Variants in STAT3 observed in about 807,000 individuals in gnomAD.
The protein encoded by STAT3 is signal transducer and activator of transcription 3, also known as DNA-binding protein APRF.
STAT3 carries 7 observed loss-of-function variants against 114.3 expected under a neutral mutation model. That is an observed-to-expected ratio of 0.06 (90% CI 0.03 to 0.11). The LOEUF is 0.11. Ranked by LOEUF, STAT3 falls within the 10% of genes least tolerant of loss-of-function variation. The pLI, the probability that STAT3 is intolerant of heterozygous loss-of-function variation, is 1.00. For synonymous variants in STAT3, 331 were observed against 354.5 expected (o/e 0.93, Z 0.74); for missense variants, 364 against 960.9 (o/e 0.38, Z 8.21).
chr17:42,366,305 T>C (rs2083784527), intron 1 of STAT3, among the ~76,000 whole-genome samples: 1 of 151,652 alleles, frequency 6.6e-6, no homozygotes, highest in Non-Finnish European at 1.5e-5. Flanking sequence ...TCAACTCCAG[T>C]CTCTCTCTCT....
Position 42,324,921 on chromosome 17 carries a change from C to T in STAT3, c.1464+42G>A. 2 of 1,614,142 alleles carry T rather than the reference C, an allele frequency of 1.2e-6. No homozygotes were observed. The highest frequency in any genetic ancestry group is 1.1e-5 in the South Asian group (1 of 91,076). The stretch of plus-strand genomic sequence containing the variant: ...GTCTATACTAGGTACCCCTAAGTCG[C>T]AAGAGATCCCGGGGCACCAACTAAA... On this transcript the variant is annotated intron_variant, in intron 16 of 23. Coordinates refer to ENST00000264657, the MANE Select transcript of STAT3 (RefSeq NM_139276.3). This position sits in a 1 kb window ranked among gnomAD's most constrained non-coding sequence, Gnocchi z 4.5.
chr17:42,370,254 T>TC (rs955211898), intron 1 of STAT3, among the ~76,000 whole-genome samples: 1 of 143,082 alleles, frequency 7.0e-6, no homozygotes, highest in Admixed American at 6.9e-5. Context: ...ACCCAGCCTT[T>TC]TTTTTTTTTG....
chr17:42,320,947 T>TTG lies in STAT3; in HGVS notation c.2101+1333_2101+1334dup, dbSNP rs112139000. ...TGTTTCGTTTTTTTCTTTCTCTTCT[T>TTG]TGTGTGTGTGTGTGTGTGTGTGTGT... On this transcript the variant is annotated intron_variant, in intron 21 of 23. Coordinates refer to ENST00000264657, the MANE Select transcript of STAT3 (RefSeq NM_139276.3). Among the ~76,000 whole-genome samples, 619 of 146,988 alleles carry TTG rather than the reference T, an allele frequency of 4.2e-3. 4 individuals carry two copies. The highest frequency in any genetic ancestry group is 0.01 in the Middle Eastern group (3 of 286).
chr17:42,327,780 G>T (rs1312511302), intron 14 of STAT3, among the ~76,000 whole-genome samples: 1 of 152,184 alleles, frequency 6.6e-6, no homozygotes, highest in Non-Finnish European at 1.5e-5. Context: ...GGGCACAGCG[G>T]CTCATGCCTG....
At chr17:42,352,150 C>T (rs1234107997) in intron 1 of STAT3, among the ~76,000 whole-genome samples, 1 of 151,994 alleles carries the variant, frequency 6.6e-6, no homozygotes, top group East Asian at 1.9e-4. Flanking sequence ...ACCAGCCTGG[C>T]CAACATAGTG....
intron 1 of STAT3, among the ~76,000 whole-genome samples, chr17:42,370,012 C>A (rs904764103): frequency 1.3e-5 from 2 of 151,648 alleles, no homozygotes; most frequent in Admixed American, 1.3e-4. Context: ...TGCTCTGTCG[C>A]CCAGACTAGA....
chr17:42,323,564 A>C lies in STAT3; in HGVS notation c.1653+9T>G. Reference sequence around the variant, plus strand: ...CCCATTCCCACGAGAATTTAACAAGATTGCTTACTTTGCAAAATTTAGCCC... The same window carrying C: ...CCCATTCCCACGAGAATTTAACAAGCTTGCTTACTTTGCAAAATTTAGCCC... On this transcript the variant is annotated intron_variant, in intron 18 of 23. Coordinates refer to ENST00000264657, the MANE Select transcript of STAT3 (RefSeq NM_139276.3). 6.2e-7 allele frequency: 1 copy of C among 1,613,962 alleles called. No individual in the cohort carries two copies. The highest frequency in any genetic ancestry group is 8.5e-7 in the Non-Finnish European group (1 of 1,179,844).
At chr17:42,378,271 A>G (rs1010235402) in intron 1 of STAT3, among the ~76,000 whole-genome samples, 3 of 150,968 alleles carry the variant, frequency 2.0e-5, no homozygotes, top group Non-Finnish European at 4.4e-5. Flanking sequence ...GTTGTTTGAG[A>G]CGGAGTCTCT....
At chr17:42,385,066 T>G (rs2085021919) in intron 1 of STAT3, among the ~76,000 whole-genome samples, 2 of 152,218 alleles carry the variant, frequency 1.3e-5, no homozygotes, top group Admixed American at 1.3e-4. Flanking sequence ...GCTACCTTGT[T>G]AGCACAAGTG....
intron 4 of STAT3, 137 bp downstream of exon 4, chr17:42,345,422 C>A: frequency 1.4e-6 from 1 of 737,740 alleles, no homozygotes; most frequent in Non-Finnish European, 2.2e-6. Flanking sequence ...TAGAGTTTTT[C>A]AATGTATTTT....
chr17:42,322,981 G>A (rs1373650246), intron 20 of STAT3, 23 bp downstream of exon 20: 4 of 1,612,808 alleles, frequency 2.5e-6, no homozygotes, highest in Non-Finnish European at 2.5e-6. Context: ...CCAGCAGGTG[G>A]GGTGGGTGGG....
rs1335228906 is a variant in STAT3 at position 42,346,728 on chromosome 17, A to C, written c.129-15T>G. ...CCGCATATGCCCTAGGAAAAGGAAG[A>C]ATGATAAAGAATGGCTCTGAAGCCG... On this transcript the variant is annotated splice_polypyrimidine_tract_variant and intron_variant, in intron 2 of 23. Transcript: ENST00000264657. 6.2e-7 allele frequency: 1 copy of C among 1,614,048 alleles called. No homozygotes were observed. Among genetic ancestry groups the C allele is most frequent in the East Asian group, 2.2e-5 (1 of 44,904 alleles).
intron 3 of STAT3, among the ~76,000 whole-genome samples, 166 bp downstream of exon 3, chr17:42,346,403 A>T (rs1464113854): frequency 6.6e-6 from 1 of 152,212 alleles, no homozygotes; most frequent in Non-Finnish European, 1.5e-5. Context: ...GCTCACGGGT[A>T]AGTATACAGA....
chr17:42,377,575 T>C lies in STAT3; in HGVS notation c.-24+10704A>G, dbSNP rs2084538204. On this transcript the variant is annotated intron_variant, in intron 1 of 23. Coordinates refer to ENST00000264657, the MANE Select transcript of STAT3 (RefSeq NM_139276.3). ...GAAGTAACTCAGGAGAGATAAATAG[T>C]AGGTAACTAGCTGTCCCTGGGAAAG... 2.0e-5 allele frequency among the ~76,000 whole-genome samples: 3 copies of C among 152,196 alleles called. No individual in the cohort carries two copies. In the South Asian group the frequency reaches 6.2e-4, roughly 31 times the overall value.
At chr17:42,365,309 T>A (rs2083717217) in intron 1 of STAT3, among the ~76,000 whole-genome samples, 1 of 152,116 alleles carries the variant, frequency 6.6e-6, no homozygotes, top group Non-Finnish European at 1.5e-5. Context: ...AGCCTTTGAG[T>A]CATCGCAGCC....
At chr17:42,315,837 C>T (rs2081226648) in intron 23 of STAT3, 37 bp from the exon 24 acceptor site, 1 of 1,613,760 alleles carries the variant, frequency 6.2e-7, no homozygotes, top group East Asian at 2.2e-5. Flanking sequence ...TTCAGTTGTC[C>T]ACCCTCTGCA....
intron 2 of STAT3, among the ~76,000 whole-genome samples, chr17:42,347,718 T>G (rs1214112311): frequency 1.3e-5 from 2 of 152,170 alleles, no homozygotes; most frequent in Non-Finnish European, 1.5e-5. Context: ...GATACTGTCC[T>G]CGAGACAGTG....
In STAT3 at chr17:42,313,970, C is replaced by T. The variant is rs2081164207; in HGVS notation, c.*1775G>A. Reference sequence around the variant, plus strand: ...AACAGAATTCCACAGAAACTCTGATCAGCTGAGGCAAGGTGGTTTTGAGTT... The same window carrying T: ...AACAGAATTCCACAGAAACTCTGATTAGCTGAGGCAAGGTGGTTTTGAGTT... On this transcript the variant is annotated 3_prime_UTR_variant, in exon 24 of 24. Coordinates refer to ENST00000264657, the MANE Select transcript of STAT3 (RefSeq NM_139276.3). The T allele has an allele frequency of 4.3e-6, 1 of 231,338 alleles. No homozygotes were observed. 14.3% of individuals were successfully genotyped at this position (231,338 alleles called of 1,614,324 possible).
intron 14 of STAT3, 69 bp downstream of exon 14, chr17:42,329,341 G>A (rs2081887884): frequency 6.2e-7 from 1 of 1,600,810 alleles, no homozygotes; most frequent in South Asian, 1.1e-5. Flanking sequence ...TGGGGATTAA[G>A]AAGGATCTTT....
Sources: gnomAD v4.1 joint callset for allele counts (sites outside exome capture counted in the v4.1 genomes callset) on GRCh38, gnomAD v4.1.1 for gene constraint, Gnocchi (gnomAD v3.1) non-coding constraint, MANE v1.5 for transcripts, NCBI Gene and HGNC (gene_info 2026-07-23, HGNC 2026-07-21) for gene names.